The following EFCAB5 variants were observed in gnomAD, a reference collection of about 807,000 sequenced individuals.
The protein encoded by EFCAB5 is EF-hand calcium-binding domain-containing protein 5.
In EFCAB5, 131 loss-of-function variants were observed where a neutral mutation model predicts 167.9. The ratio of observed to expected loss-of-function variants is 0.78; its 90% CI spans 0.68 to 0.90. The LOEUF is 0.90. Among genes scored for constraint, EFCAB5 ranks in the 40% least tolerant of loss-of-function variants. EFCAB5 has a pLI of 0.00. For missense variants in EFCAB5, 1,663 were observed against 1,745.2 expected, an observed-to-expected ratio of 0.95 and a Z score of 0.84; for synonymous variants, 574 against 602.8, an observed-to-expected ratio of 0.95 and a Z score of 0.70.
chr17:29,989,081 G>C (rs571661376), intron 4 of EFCAB5, among the ~76,000 whole-genome samples: 1 of 152,258 alleles, frequency 6.6e-6, no homozygotes, highest in East Asian at 1.9e-4. Flanking sequence ...AGAGCAGGTC[G>C]TATCCAATTA....
intron 4 of EFCAB5, among the ~76,000 whole-genome samples, chr17:29,989,255 T>A (rs966565920): frequency 6.6e-6 from 1 of 152,170 alleles, no homozygotes; most frequent in Non-Finnish European, 1.5e-5. Context: ...GAAATCGAGT[T>A]TTGCAAGTGA....
chr17:29,988,897 A>T (rs1156501807), intron 4 of EFCAB5, among the ~76,000 whole-genome samples: 25 of 152,202 alleles, frequency 1.6e-4, no homozygotes, highest in Non-Finnish European at 2.6e-4. Flanking sequence ...GAAAAAAATT[A>T]GCAAATCTAG....
intron 7 of EFCAB5, among the ~76,000 whole-genome samples, chr17:30,029,533 G>T (rs2069421206): frequency 6.6e-6 from 1 of 151,822 alleles, no homozygotes; most frequent in Non-Finnish European, 1.5e-5. Context: ...CATAAGTCAG[G>T]GGCTGTCTGT....
At chr17:30,057,187 C>G (rs961990831) in intron 12 of EFCAB5, among the ~76,000 whole-genome samples, 1 of 152,154 alleles carries the variant, frequency 6.6e-6, no homozygotes, top group Non-Finnish European at 1.5e-5. Context: ...AAAGGCTCAA[C>G]AATAGCAGCA....
chr17:30,002,148 CTA>C (rs370099966), intron 7 of EFCAB5, among the ~76,000 whole-genome samples: 1 of 152,080 alleles, frequency 6.6e-6, no homozygotes, highest in Non-Finnish European at 1.5e-5. Flanking sequence ...GATCATTTCT[CTA>C]TGTCAATAAA....
chr17:30,080,803 A>G lies in EFCAB5; in HGVS notation c.3248A>G (p.Tyr1083Cys). 1 of 1,612,698 alleles carries G rather than the reference A, an allele frequency of 6.2e-7. No homozygotes were observed. The highest frequency in any genetic ancestry group is 1.3e-5 in the African/African-American group (1 of 74,996). ...CCAATCCATGTTCCCCAAGTTCAGT[A>G]CCATGGGAACATCTTCTTCTGGAAC... ...GKPIHVPQVQ[Y>C]HGNIFFWNQS... Residue 1083 changes from tyrosine (Y) to cysteine (C), a missense_variant, in exon 17 of 23, where the codon TAC (tyrosine) becomes TGC (cysteine). Transcript: ENST00000394835.
rs142211208 is a variant in EFCAB5 at position 30,009,844 on chromosome 17, G to A, written c.1044+9868G>A. 8.4e-3 allele frequency among the ~76,000 whole-genome samples: 1,274 copies of A among 151,868 alleles called. 21 individuals are homozygous for A. The highest frequency in any genetic ancestry group is 0.029 in the African/African-American group (1,218 of 41,406). On this transcript the variant is annotated intron_variant, in intron 7 of 22. Coordinates refer to ENST00000394835, the MANE Select transcript of EFCAB5 (RefSeq NM_198529.4). ...TTTTTTGTTATACTTTAAGTTCTAGGGTACATGTGCACAACATGCAGGTTT... is the reference window on the plus strand; with the variant it reads ...TTTTTTGTTATACTTTAAGTTCTAGAGTACATGTGCACAACATGCAGGTTT...
At chr17:29,930,255 C>T (rs2067167344) in intron 1 of EFCAB5, 1 of 510,472 alleles carries the variant, frequency 2.0e-6, no homozygotes, top group Admixed American at 3.7e-5. Context: ...CAGGCGCCAC[C>T]TGTCAGCTAC....
Position 30,057,773 on chromosome 17 carries a change from A to T in EFCAB5, c.2463A>T (p.Gln821His). 6.2e-7 allele frequency: 1 copy of T among 1,613,696 alleles called. No individual in the cohort carries two copies. The highest frequency in any genetic ancestry group is 8.5e-7 in the Non-Finnish European group (1 of 1,179,770). Residue 821 changes from glutamine (Q) to histidine (H), a missense_variant, in exon 13 of 23, where the codon CAA (glutamine) becomes CAT (histidine). Gln to His is a conservative substitution (Grantham distance 24, BLOSUM62 0). Coordinates refer to ENST00000394835, the MANE Select transcript of EFCAB5 (RefSeq NM_198529.4). ...GVSFNLLQFV[Q>H]LLETFVGEDA... is the part of the protein sequence containing the mutation. ...CATTCAATCTGCTCCAGTTTGTGCA[A>T]CTCCTGGAGACATTTGTTGGTGAAG...
At chr17:29,996,164 C>A in intron 5 of EFCAB5, 148 bp from the exon 6 acceptor site, 1 of 601,526 alleles carries the variant, frequency 1.7e-6, no homozygotes, top group Non-Finnish European at 2.9e-6. Flanking sequence ...GTATATGTGA[C>A]TTATTACTAT....
chr17:29,941,680 GC>G lies in EFCAB5; in HGVS notation c.-116del, dbSNP rs962689306. ...GTGAGGTGAGGGCAGGAGTGAGGGAGCTTTTTTAACTTCTGGAGTACTTTGT... is the reference window on the plus strand; with the variant it reads ...GTGAGGTGAGGGCAGGAGTGAGGGAGTTTTTTAACTTCTGGAGTACTTTGT... On this transcript the variant is annotated 5_prime_UTR_variant, in exon 1 of 23. Coordinates refer to ENST00000394835, the MANE Select transcript of EFCAB5 (RefSeq NM_198529.4). The G allele has an allele frequency of 4.0e-5, 34 of 852,462 alleles. No individual in the cohort carries two copies. The highest frequency in any genetic ancestry group is 3.5e-5 in the African/African-American group (2 of 57,182). The allele number at this position is 852,462 out of a possible 1,614,324, so 52.8% of individuals were successfully genotyped here.
chr17:30,051,307 GATT>G, intron 9 of EFCAB5, 90 bp downstream of exon 9: 1 of 1,062,876 alleles, frequency 9.4e-7, no homozygotes, highest in Non-Finnish European at 1.4e-6. Flanking sequence ...GTTAACACAA[GATT>G]ATTCTACCAC....
At chr17:30,036,596 AT>A (rs1045107666) in intron 8 of EFCAB5, among the ~76,000 whole-genome samples, 36 of 151,650 alleles carry the variant, frequency 2.4e-4, no homozygotes, top group African/African-American at 8.0e-4. Context: ...TGCCTGGCTA[AT>A]TTTTAAATTT....
chr17:30,087,291 A>T (rs755792551), intron 19 of EFCAB5, 125 bp downstream of exon 19: 22 of 693,540 alleles, frequency 3.2e-5, no homozygotes, highest in South Asian at 6.7e-5. Context: ...TTTTTAATTT[A>T]ATTTTATTTT....
chr17:30,051,164 T>C lies in EFCAB5; in HGVS notation c.1247T>C (p.Phe416Ser), dbSNP rs1483070855. ...AGGACATTGGCCCTGCTGGAATTGT[T>C]CTATGACCATAGTTCACAAATGCTT... Reference protein sequence around the residue: ...RQRTLALLELFYDHSSQMLRS... With the variant: ...RQRTLALLELSYDHSSQMLRS... Residue 416 changes from phenylalanine (F) to serine (S), a missense_variant, in exon 9 of 23, where the codon TTC becomes TCC. Physicochemically the swap from Phe to Ser is radical, Grantham distance 155 (BLOSUM62 -2). Coordinates refer to ENST00000394835, the MANE Select transcript of EFCAB5 (RefSeq NM_198529.4). 1 of 1,613,896 alleles carries C rather than the reference T, an allele frequency of 6.2e-7. No individual in the cohort carries two copies. Among genetic ancestry groups the C allele is most frequent in the Non-Finnish European group, 8.5e-7 (1 of 1,179,912 alleles).
chr17:29,932,400 C>G (rs2067208699), intron 1 of EFCAB5, among the ~76,000 whole-genome samples: 1 of 149,924 alleles, frequency 6.7e-6, no homozygotes, highest in African/African-American at 2.4e-5. Flanking sequence ...ATCTGCCCAC[C>G]TCGGCCTCCC....
At chr17:30,063,472 G>C (rs2070479795) in intron 14 of EFCAB5, among the ~76,000 whole-genome samples, 1 of 152,184 alleles carries the variant, frequency 6.6e-6, no homozygotes, top group Admixed American at 6.5e-5. Flanking sequence ...GGCCAGTGCT[G>C]TGCCCTGCCC....
intron 14 of EFCAB5, among the ~76,000 whole-genome samples, chr17:30,068,450 A>C (rs767337816): frequency 5.3e-5 from 8 of 152,226 alleles, no homozygotes; most frequent in Non-Finnish European, 1.2e-4. Context: ...GAGGTGAAAG[A>C]CGTCTACAAG....
chr17:29,930,708 C>A (rs369568529), intron 1 of EFCAB5, among the ~76,000 whole-genome samples: 37 of 152,172 alleles, frequency 2.4e-4, no homozygotes, highest in African/African-American at 8.7e-4. Context: ...CTTTTCCCCC[C>A]CTTCCGTCTA....
Sources: allele counts gnomAD v4.1 joint callset (sites outside exome capture counted in the v4.1 genomes callset), GRCh38; gene constraint gnomAD v4.1.1; transcripts MANE v1.5; gene names NCBI Gene and HGNC (gene_info 2026-07-23, HGNC 2026-07-21).